FOXR1: variants seen among roughly 807,000 people sequenced by gnomAD.
FOXR1 encodes forkhead box R1.
Under a neutral mutation model 34.5 loss-of-function variants are expected in FOXR1, and 25 were observed. That is an observed-to-expected ratio of 0.72 (90% CI 0.53 to 1.01). The LOEUF is 1.01. FOXR1 is among the 50% of genes least tolerant of loss of function. FOXR1 has a pLI of 0.00. For missense variants in FOXR1, 373 were observed against 376.2 expected (o/e 0.99, Z 0.07); for synonymous variants, 153 against 141.6 (o/e 1.08, Z -0.57).
At chr11:118,973,638 C>A (rs770228772) in intron 1 of FOXR1, among the ~76,000 whole-genome samples, 1 of 151,438 alleles carries the variant, frequency 6.6e-6, no homozygotes, top group African/African-American at 2.4e-5. Context: ...GACCATGATC[C>A]GCCGTCTCAG....
At chr11:118,975,243 G>C (rs1285255188) in intron 1 of FOXR1, among the ~76,000 whole-genome samples, 1 of 152,084 alleles carries the variant, frequency 6.6e-6, no homozygotes, top group Non-Finnish European at 1.5e-5. Flanking sequence ...TGGATGAGTG[G>C]AATGTAAGTG....
In FOXR1 at chr11:118,979,063, C is replaced by G; in HGVS notation, c.243C>G (p.Ser81Arg). ...SGRRKREDLT[S>R]TLPSSQPPQK... ...GTAGGAAGAGGGAGGACCTGACAAG[C>G]ACACTCCCCTCCTCTCAGCCACCCC... The change falls in exon 3 of 6, where the codon AGC becomes AGG. Residue 81 changes from serine (S) to arginine (R), a missense_variant. Transcript: ENST00000317011. 1.2e-6 allele frequency: 2 copies of G among 1,604,852 alleles called. No individual in the cohort carries two copies. The highest frequency in any genetic ancestry group is 1.7e-6 in the Non-Finnish European group (2 of 1,175,996).
intron 1 of FOXR1, 118 bp downstream of exon 1, chr11:118,972,110 G>A: frequency 1.2e-6 from 1 of 802,842 alleles, no homozygotes; most frequent in East Asian, 4.7e-5. Flanking sequence ...GGGGAGGCTT[G>A]GGGGGCCGAG....
At chr11:118,980,784 C>T in intron 5 of FOXR1, 56 bp downstream of exon 5, 1 of 1,531,234 alleles carries the variant, frequency 6.5e-7, no homozygotes, top group Non-Finnish European at 8.8e-7. Context: ...GATCCTGACC[C>T]AAGGCCAAGT....
At chr11:118,980,119 G>A (rs937445864) in intron 4 of FOXR1, 1 of 495,446 alleles carries the variant, frequency 2.0e-6, no homozygotes, top group African/African-American at 1.9e-5. Context: ...TCACAGGAGG[G>A]TGAGGAAGGG....
intron 5 of FOXR1, 63 bp downstream of exon 5, chr11:118,980,791 A>G: frequency 4.7e-6 from 7 of 1,485,818 alleles, no homozygotes; most frequent in Non-Finnish European, 5.5e-6. Flanking sequence ...ACCCAAGGCC[A>G]AGTGTGGAAG....
chr11:118,972,256 T>C (rs1490727681), intron 1 of FOXR1, among the ~76,000 whole-genome samples: 1 of 152,018 alleles, frequency 6.6e-6, no homozygotes, highest in Non-Finnish European at 1.5e-5. Context: ...GGAGGACAGC[T>C]GGTCTCACCT....
intron 5 of FOXR1, 39 bp downstream of exon 5, chr11:118,980,767 A>C (rs1219677925): frequency 6.3e-7 from 1 of 1,578,856 alleles, no homozygotes; most frequent in Admixed American, 1.7e-5. Flanking sequence ...AGGGGAAGAG[A>C]CCTGAGGATC....
intron 4 of FOXR1, among the ~76,000 whole-genome samples, chr11:118,980,071 G>C (rs907298728): frequency 2.6e-5 from 4 of 152,156 alleles, no homozygotes; most frequent in African/African-American, 9.7e-5. Flanking sequence ...AGAGAACCCA[G>C]TTGAGAAGGA....
At chr11:118,974,082 G>C (rs1385912165) in intron 1 of FOXR1, among the ~76,000 whole-genome samples, 1 of 152,184 alleles carries the variant, frequency 6.6e-6, no homozygotes, top group African/African-American at 2.4e-5. Context: ...GAGGGGTGGA[G>C]TGAGCCCAGA....
chr11:118,980,416 G>A, intron 4 of FOXR1, 74 bp from the exon 5 acceptor site: 1 of 1,538,674 alleles, frequency 6.5e-7, no homozygotes, highest in Non-Finnish European at 9.0e-7. Context: ...CTGGCCCCTG[G>A]GTAGAACATG....
At chr11:118,979,759 AC>A in intron 4 of FOXR1, 91 bp downstream of exon 4, 2 of 1,238,022 alleles carry the variant, frequency 1.6e-6, no homozygotes, top group Non-Finnish European at 2.2e-6. Flanking sequence ...TGGGTTGCTG[AC>A]CTGGTTTCCC....
chr11:118,978,799 C>T lies in FOXR1; in HGVS notation c.79C>T (p.Arg27Ter), dbSNP rs572275655. 19 of 1,613,994 alleles carry T rather than the reference C, an allele frequency of 1.2e-5. No individual in the cohort carries two copies. The highest frequency in any genetic ancestry group is 4.5e-5 in the East Asian group (2 of 44,896). The change falls in exon 2 of 6, where the codon CGA becomes TGA. Residue 27 changes from arginine (R) to a stop codon, truncating the protein, a stop_gained. Coordinates refer to ENST00000317011, the MANE Select transcript of FOXR1 (RefSeq NM_181721.3). LOFTEE classifies it high-confidence loss of function. ...AEQKLARYKL[R>*]IVKPPKLPLE... ...TTTGCCAGTTGCCAGGTATAAACTCCGAATTGTTAAGCCACCAAAATTACC... is the reference window on the plus strand; with the variant it reads ...TTTGCCAGTTGCCAGGTATAAACTCTGAATTGTTAAGCCACCAAAATTACC...
chr11:118,976,389 A>T (rs763255428), intron 1 of FOXR1, among the ~76,000 whole-genome samples: 42 of 152,150 alleles, frequency 2.8e-4, no homozygotes, highest in Non-Finnish European at 5.6e-4. Context: ...TTTTATAGAG[A>T]TGGGGTTTCA....
chr11:118,972,137 C>CA lies in FOXR1; in HGVS notation c.61+145_61+146insA, dbSNP rs1941715694. On this transcript the variant is annotated intron_variant, in intron 1 of 5. Transcript: ENST00000317011. ...GGGGCCGAGCGCCCCGCGCCCCCCC[C>CA]CCCCGACGGCTTAGCTCCGCCGCCC... is the stretch of plus-strand genomic sequence containing the variant. 4 of 533,254 alleles carry CA rather than the reference C, an allele frequency of 7.5e-6. No individual in the cohort carries two copies. In the East Asian group the frequency reaches 9.8e-5, roughly 13 times the overall value. The allele number at this position is 533,254 out of a possible 1,614,324, so 33.0% of individuals were successfully genotyped here.
In FOXR1 at chr11:118,979,068, T is replaced by A. The variant is rs545792564; in HGVS notation, c.248T>A (p.Leu83His). The stretch of plus-strand genomic sequence containing the variant: ...AAGAGGGAGGACCTGACAAGCACAC[T>A]CCCCTCCTCTCAGCCACCCCAGAAG... ...RRKREDLTST[L>H]PSSQPPQKEE... is the part of the protein sequence containing the mutation. Residue 83 changes from leucine (L) to histidine (H), a missense_variant, in exon 3 of 6, where the codon CTC becomes CAC. Coordinates refer to ENST00000317011, the MANE Select transcript of FOXR1 (RefSeq NM_181721.3). 675 of 1,604,134 alleles carry A rather than the reference T, an allele frequency of 4.2e-4. 9 individuals are homozygous for A. In the South Asian group the frequency reaches 7.0e-3, roughly 17 times the overall value.
Position 118,980,662 on chromosome 11 carries a change from G to A in FOXR1, c.784G>A (p.Ala262Thr), listed in dbSNP as rs782527678. 1.2e-6 allele frequency: 2 copies of A among 1,613,852 alleles called. No homozygotes were observed. Among genetic ancestry groups the A allele is most frequent in the South Asian group, 1.1e-5 (1 of 91,086 alleles). The change falls in exon 5 of 6, where the codon GCG (alanine) becomes ACG (threonine). Residue 262 changes from alanine to threonine, a missense_variant. By Grantham distance (58) the Ala-to-Thr change is moderately conservative (BLOSUM62 0). Transcript: ENST00000317011. ...GACCGAGGAGGGACACCGCCGCTTT[G>A]CGGAGGAGGCCCGCGCCTTGGCTTC... is the stretch of plus-strand genomic sequence containing the variant. ...KLTEEGHRRF[A>T]EEARALASTR...
At chr11:118,972,160 C>T (rs1941716671) in intron 1 of FOXR1, among the ~76,000 whole-genome samples, 168 bp downstream of exon 1, 1 of 151,178 alleles carries the variant, frequency 6.6e-6, no homozygotes, top group Admixed American at 6.6e-5. Flanking sequence ...AGCTCCGCCG[C>T]CCCCGCTCCA....
chr11:118,975,284 G>A (rs957210418), intron 1 of FOXR1, among the ~76,000 whole-genome samples: 6 of 152,142 alleles, frequency 3.9e-5, no homozygotes, highest in African/African-American at 1.4e-4. Flanking sequence ...AGAGGTCCCT[G>A]GTTAGTGGTT....
Sources: allele counts gnomAD v4.1 joint callset (sites outside exome capture counted in the v4.1 genomes callset), GRCh38; gene constraint gnomAD v4.1.1; transcripts MANE v1.5; gene names NCBI Gene and HGNC (gene_info 2026-07-23, HGNC 2026-07-21).